KCNMB2: variants seen among roughly 807,000 people sequenced by gnomAD.
KCNMB2 encodes calcium-activated potassium channel subunit beta-2.
Under a neutral mutation model 24.5 loss-of-function variants are expected in KCNMB2, and 9 were observed. The ratio of observed to expected loss-of-function variants is 0.37; its 90% CI spans 0.22 to 0.64. The LOEUF is 0.64. KCNMB2 is among the 30% of genes least tolerant of loss of function. The pLI is 0.63. For synonymous variants in KCNMB2, 109 were observed against 104.4 expected, an observed-to-expected ratio of 1.04 and a Z score of -0.27; for missense variants, 226 against 284.3, an observed-to-expected ratio of 0.79 and a Z score of 1.47.
chr3:178,699,169 G>T (rs1329726889), intron 1 of KCNMB2, among the ~76,000 whole-genome samples: 2 of 152,238 alleles, frequency 1.3e-5, no homozygotes, highest in Non-Finnish European at 2.9e-5. Context: ...ATGCTGACTA[G>T]CTCAGGCCTG....
chr3:178,627,244 C>T (rs1719154438), intron 1 of KCNMB2, among the ~76,000 whole-genome samples: 1 of 152,130 alleles, frequency 6.6e-6, no homozygotes, highest in Non-Finnish European at 1.5e-5. Flanking sequence ...TTTTGGTTAT[C>T]TGGTAATATT....
rs796601723 is a variant in KCNMB2, at chr3:178,758,700, A to C, written c.-67-48643A>C. Among the ~76,000 whole-genome samples the C allele has an allele frequency of 5.2e-3, 17 of 3,296 alleles. 2 individuals carry two copies. Among genetic ancestry groups the C allele is most frequent in the Admixed American group, 0.01 (3 of 298 alleles). 2.2% of individuals were successfully genotyped at this position (3,296 alleles called of 152,430 possible). A position where few individuals can be genotyped will look rare whatever the true frequency, so the allele number is the denominator to read the frequency against. ...TATATATATATATATCTCTCTCTCT[A>C]CAAGAGGAGATATATATATATATAT... On this transcript the variant is annotated intron_variant, in intron 1 of 4. Transcript: ENST00000452583.
chr3:178,612,615 G>T (rs1718520233), intron 1 of KCNMB2, among the ~76,000 whole-genome samples: 1 of 151,906 alleles, frequency 6.6e-6, no homozygotes, highest in Admixed American at 6.5e-5. Context: ...TTTATTTTCA[G>T]TCTATGTTTG....
chr3:178,704,575 A>T (rs866628467), intron 1 of KCNMB2, among the ~76,000 whole-genome samples: 1 of 152,194 alleles, frequency 6.6e-6, no homozygotes, highest in Non-Finnish European at 1.5e-5. Context: ...TTGCAAAAAA[A>T]AATTTTCTTC....
intron 1 of KCNMB2, among the ~76,000 whole-genome samples, chr3:178,674,132 C>T (rs561034502): frequency 6.6e-4 from 101 of 151,902 alleles, no homozygotes; most frequent in African/African-American, 2.2e-3. Context: ...TTTTTTTTTA[C>T]CCCACTGGCC....
intron 1 of KCNMB2, among the ~76,000 whole-genome samples, chr3:178,565,701 T>C: frequency 6.6e-6 from 1 of 152,180 alleles, no homozygotes; most frequent in East Asian, 1.9e-4. Flanking sequence ...TCAGATTCTC[T>C]ACCAATGCAT....
At chr3:178,565,408 T>A (rs1716481482) in intron 1 of KCNMB2, among the ~76,000 whole-genome samples, 1 of 152,204 alleles carries the variant, frequency 6.6e-6, no homozygotes, top group Admixed American at 6.5e-5. Flanking sequence ...GACGTTACAC[T>A]GTCTAGAGTG....
At chr3:178,762,465 T>A (rs1035994704) in intron 1 of KCNMB2, among the ~76,000 whole-genome samples, 1 of 152,132 alleles carries the variant, frequency 6.6e-6, no homozygotes, top group Admixed American at 6.5e-5. Context: ...GCAGGGCCTA[T>A]GGGGAATTCA....
In KCNMB2 at chr3:178,639,803, C is replaced by T. The variant is rs1296378715; in HGVS notation, c.-68+103092C>T. Among the ~76,000 whole-genome samples, 17 of 152,348 alleles carry T rather than the reference C, an allele frequency of 1.1e-4. No individual in the cohort carries two copies. In the East Asian group the frequency reaches 3.3e-3, roughly 29 times the overall value. On this transcript the variant is annotated intron_variant, in intron 1 of 4. Coordinates refer to ENST00000452583, the MANE Select transcript of KCNMB2 (RefSeq NM_181361.3). ...ACACACCTACGTGTGCCATGTGGTT[C>T]TATACAACATCAGAAGGACATTTAA... is the stretch of plus-strand genomic sequence containing the variant.
At chr3:178,805,354 T>C (rs146841579) in intron 1 of KCNMB2, among the ~76,000 whole-genome samples, 245 of 152,338 alleles carry the variant, frequency 1.6e-3, no homozygotes, top group Non-Finnish European at 3.1e-3. Flanking sequence ...ATATTGGCGC[T>C]GAGAGGAATC....
At chr3:178,627,745 T>C (rs1363782567) in intron 1 of KCNMB2, among the ~76,000 whole-genome samples, 1 of 152,240 alleles carries the variant, frequency 6.6e-6, no homozygotes, top group Admixed American at 6.5e-5. Flanking sequence ...GCCTTGATTA[T>C]GCTAATCTGA....
intron 1 of KCNMB2, among the ~76,000 whole-genome samples, chr3:178,682,420 G>A (rs1433668821): frequency 1.3e-5 from 2 of 151,874 alleles, no homozygotes; most frequent in African/African-American, 2.4e-5. Flanking sequence ...CAAGTATAAT[G>A]TTGATTTTGT....
At chr3:178,593,268 AC>A (rs1717744855) in intron 1 of KCNMB2, among the ~76,000 whole-genome samples, 1 of 152,122 alleles carries the variant, frequency 6.6e-6, no homozygotes, top group South Asian at 2.1e-4. Flanking sequence ...GGAAAATGAT[AC>A]CAGAAATGAA....
At chr3:178,664,743 A>C (rs1158841829) in intron 1 of KCNMB2, among the ~76,000 whole-genome samples, 1 of 152,070 alleles carries the variant, frequency 6.6e-6, no homozygotes, top group African/African-American at 2.4e-5. Flanking sequence ...AGGAGGGAGG[A>C]AGGGAAAAAT....
At chr3:178,829,259 AC>A (rs1384488653) in intron 4 of KCNMB2, among the ~76,000 whole-genome samples, 1 of 152,008 alleles carries the variant, frequency 6.6e-6, no homozygotes, top group African/African-American at 2.4e-5. Context: ...ACCAGGATAA[AC>A]CCTTCTGACC....
At chr3:178,812,670 C>T (rs1714242515) in intron 2 of KCNMB2, among the ~76,000 whole-genome samples, 1 of 152,036 alleles carries the variant, frequency 6.6e-6, no homozygotes, top group East Asian at 1.9e-4. Flanking sequence ...ATATGGATAA[C>T]CAATTGCCCC....
At chr3:178,699,062 C>T (rs765765998) in intron 1 of KCNMB2, among the ~76,000 whole-genome samples, 3 of 152,228 alleles carry the variant, frequency 2.0e-5, no homozygotes, top group Non-Finnish European at 4.4e-5. Flanking sequence ...TGGGCATCCA[C>T]CACAGTGGTG....
In KCNMB2 at chr3:178,569,278, G is replaced by A. The variant is rs144927439; in HGVS notation, c.-68+32567G>A. Among the ~76,000 whole-genome samples the A allele has an allele frequency of 7.9e-5, 12 of 152,236 alleles. No homozygotes were observed. The East Asian group carries it at 2.3e-3, about 29-fold the overall frequency. ...AGAGGACTTCAAGTGAAGAGACCCT[G>A]CTTAAATCTGATTGGCCCCACACGA... On this transcript the variant is annotated intron_variant, in intron 1 of 4. Coordinates refer to ENST00000452583, the MANE Select transcript of KCNMB2 (RefSeq NM_181361.3).
chr3:178,748,607 T>C (rs2108385766), intron 1 of KCNMB2: 1 of 152,344 alleles, frequency 6.6e-6, no homozygotes, highest in East Asian at 1.9e-4. Context: ...TAATTCTCTA[T>C]AACAAGATTA....
Sources: gnomAD v4.1 joint callset for allele counts (sites outside exome capture counted in the v4.1 genomes callset) on GRCh38, gnomAD v4.1.1 for gene constraint, MANE v1.5 for transcripts, NCBI Gene and HGNC (gene_info 2026-07-23, HGNC 2026-07-21) for gene names.